Variants in REDIC1 observed in about 807,000 individuals in gnomAD.
The protein encoded by REDIC1 is regulator of DNA class I crossover intermediates 1, also known as HEI10 Interacting Protein 1.
At chr12:39,677,821 A>G in the REDIC1 span, among the ~76,000 whole-genome samples, 30 of 152,220 alleles carry the variant, frequency 2.0e-4, no homozygotes, top group African/African-American at 6.3e-4. Flanking sequence ...TGGAAATTAA[A>G]TAATCTGCTC....
chr12:39,794,547 C>T, the REDIC1 span, among the ~76,000 whole-genome samples: 1 of 152,184 alleles, frequency 6.6e-6, no homozygotes. Context: ...AGCCAAACTT[C>T]AGACAACCAC....
At chr12:39,650,823 A>G in the REDIC1 span, among the ~76,000 whole-genome samples, 1 of 152,150 alleles carries the variant, frequency 6.6e-6, no homozygotes, top group Non-Finnish European at 1.5e-5. The surrounding 1 kb of genome is among the most constrained non-coding windows in gnomAD (Gnocchi z 4.3). Flanking sequence ...TGATCTGCCC[A>G]CCTTAGCCTC....
At chr12:39,776,433 G>A in the REDIC1 span, among the ~76,000 whole-genome samples, 1 of 152,232 alleles carries the variant, frequency 6.6e-6, no homozygotes, top group African/African-American at 2.4e-5. Context: ...CAGTGCCCTA[G>A]GAAGCGGCTT....
the REDIC1 span, among the ~76,000 whole-genome samples, chr12:39,651,496 C>T: frequency 6.6e-6 from 1 of 152,172 alleles, no homozygotes; most frequent in Non-Finnish European, 1.5e-5. Context: ...CCACTATTCA[C>T]TGAGTTGCTA....
chr12:39,783,631 G>A, the REDIC1 span, among the ~76,000 whole-genome samples: 1 of 152,146 alleles, frequency 6.6e-6, no homozygotes, highest in Non-Finnish European at 1.5e-5. Context: ...GTAATGATGA[G>A]CATTTTTTCA....
At chr12:39,721,740 G>A in the REDIC1 span, 2 of 152,154 alleles carry the variant, frequency 1.3e-5, no homozygotes. Flanking sequence ...TAATATTACA[G>A]TCCTATTTAA....
At chr12:39,748,851 A>G in the REDIC1 span, among the ~76,000 whole-genome samples, 1 of 152,224 alleles carries the variant, frequency 6.6e-6, no homozygotes, top group Admixed American at 6.5e-5. Context: ...GGCAGAAATA[A>G]AGATGTTCTT....
chr12:39,863,899 T>G, the REDIC1 span, among the ~76,000 whole-genome samples: 1 of 152,200 alleles, frequency 6.6e-6, no homozygotes, highest in East Asian at 1.9e-4. Context: ...TAATTTCATA[T>G]AGGGTTGTAT....
the REDIC1 span, among the ~76,000 whole-genome samples, chr12:39,895,514 TTATATATATATATATATA>T: frequency 6.0e-4 from 34 of 56,654 alleles, 3 homozygotes; most frequent in African/African-American, 1.6e-3. Context: ...AAAAAAAAAA[TTATATATATATATATATA>T]TATATATATA....
At chr12:39,713,312 GTA>G in the REDIC1 span, among the ~76,000 whole-genome samples, 3 of 141,856 alleles carry the variant, frequency 2.1e-5, no homozygotes, top group South Asian at 2.2e-4. Context: ...ACACATACGT[GTA>G]TATATGTGTA....
At chr12:39,868,542 T>A in the REDIC1 span, among the ~76,000 whole-genome samples, 3 of 152,174 alleles carry the variant, frequency 2.0e-5, no homozygotes, top group Non-Finnish European at 2.9e-5. Context: ...TAGATCTGGG[T>A]TAAGGCCCAA....
chr12:39,744,866 T>A, the REDIC1 span, among the ~76,000 whole-genome samples: 2 of 152,142 alleles, frequency 1.3e-5, no homozygotes, highest in African/African-American at 4.8e-5. Context: ...CAAAAGTTAA[T>A]GGTCTAAACA....
chr12:39,840,105 C>T, the REDIC1 span, among the ~76,000 whole-genome samples: 1 of 152,014 alleles, frequency 6.6e-6, no homozygotes, highest in Non-Finnish European at 1.5e-5. Context: ...GATCTTGGCT[C>T]ACTGCAACCT....
the REDIC1 span, among the ~76,000 whole-genome samples, chr12:39,805,564 AT>A: frequency 9.6e-3 from 1,462 of 151,712 alleles, 16 homozygotes; most frequent in Non-Finnish European, 0.016. Flanking sequence ...GAAACAGTGT[AT>A]TTAAAAACTG....
At chr12:39,639,193 A>T in the REDIC1 span, among the ~76,000 whole-genome samples, 53 of 151,840 alleles carry the variant, frequency 3.5e-4, no homozygotes, top group South Asian at 3.3e-3. Context: ...GTAAAATGAA[A>T]TTTTTTTTCA....
the REDIC1 span, among the ~76,000 whole-genome samples, chr12:39,854,323 C>T: frequency 6.6e-6 from 1 of 151,994 alleles, no homozygotes; most frequent in African/African-American, 2.4e-5. Context: ...ATGAATAATA[C>T]TTGAATATTG....
At chr12:39,807,001 G>A in the REDIC1 span, among the ~76,000 whole-genome samples, 1 of 152,070 alleles carries the variant, frequency 6.6e-6, no homozygotes. Flanking sequence ...TTTATTAAAC[G>A]TTCTTGAGAT....
the REDIC1 span, among the ~76,000 whole-genome samples, chr12:39,726,867 G>A: frequency 6.6e-6 from 1 of 152,182 alleles, no homozygotes; most frequent in African/African-American, 2.4e-5. Flanking sequence ...TAACTGGCGC[G>A]AGATGGTATC....
At chr12:39,695,832 G>A in the REDIC1 span, among the ~76,000 whole-genome samples, 1 of 152,092 alleles carries the variant, frequency 6.6e-6, no homozygotes, top group Non-Finnish European at 1.5e-5. Context: ...ATCTGACCAA[G>A]CACAATCCTG....
Sources: gnomAD v4.1 joint callset for allele counts (sites outside exome capture counted in the v4.1 genomes callset) on GRCh38, gnomAD v4.1.1 for gene constraint, Gnocchi (gnomAD v3.1) non-coding constraint, MANE v1.5 for transcripts, NCBI Gene and HGNC (gene_info 2026-07-23, HGNC 2026-07-21) for gene names.